Variants in ANKRD30B observed in about 807,000 individuals in gnomAD.
The protein encoded by ANKRD30B is ankyrin repeat domain 30B.
In ANKRD30B, 144 loss-of-function variants were observed where a neutral mutation model predicts 202.2. The ratio of observed to expected loss-of-function variants is 0.71; its 90% confidence interval spans 0.62 to 0.82. ANKRD30B has a LOEUF of 0.82. ANKRD30B is among the 40% of genes least tolerant of loss of function. The pLI is 0.00. For synonymous variants in ANKRD30B, 508 were observed against 561.3 expected (o/e 0.91, Z 1.34); for missense variants, 1,487 against 1,669.1 (o/e 0.89, Z 1.90).
At chr18:14,889,152 G>C in the ANKRD30B span, among the ~76,000 whole-genome samples, 1 of 151,242 alleles carries the variant, frequency 6.6e-6, no homozygotes, top group African/African-American at 2.4e-5. Context: ...TAGCTTTTTG[G>C]AAGTTCATGT....
chr18:14,806,338 T>C (rs1312668776), intron 24 of ANKRD30B, among the ~76,000 whole-genome samples: 2 of 151,082 alleles, frequency 1.3e-5, no homozygotes, highest in African/African-American at 4.9e-5. Context: ...CAAGCCTTTG[T>C]TTAAGTGTAT....
In ANKRD30B at chr18:14,837,623, C is replaced by T. The variant is rs571321972; in HGVS notation, c.2935C>T (p.Pro979Ser). ...TGAATAACATTTTGTAGATAAGATG[C>T]CCACATCAGAATTAGGAAGAAAAGA... ...RAPQDQTNKM[P>S]TSELGRKEDT... The change falls in exon 36 of 44, where the codon CCC becomes TCC. Residue 979 changes from proline to serine, a missense_variant. Coordinates refer to ENST00000690538, the MANE Select transcript of ANKRD30B (RefSeq NM_001367607.2). The T allele has an allele frequency of 6.5e-7, 1 of 1,530,368 alleles. No individual in the cohort carries two copies. The highest frequency in any genetic ancestry group is 2.5e-5 in the East Asian group (1 of 40,666). 94.8% of individuals were successfully genotyped at this position (1,530,368 alleles called of 1,614,324 possible).
the ANKRD30B span, among the ~76,000 whole-genome samples, chr18:14,889,280 C>A: frequency 6.6e-6 from 1 of 152,060 alleles, no homozygotes; most frequent in Non-Finnish European, 1.5e-5. Flanking sequence ...GAACATCTGC[C>A]TCCCTCAGGT....
chr18:14,823,866 T>A (rs1410878926), intron 32 of ANKRD30B, among the ~76,000 whole-genome samples: 2 of 152,064 alleles, frequency 1.3e-5, no homozygotes. Context: ...TCTCAGCTAC[T>A]CTTGAGGCTG....
chr18:14,866,914 G>A, the ANKRD30B span, among the ~76,000 whole-genome samples: 1 of 151,858 alleles, frequency 6.6e-6, no homozygotes, highest in Non-Finnish European at 1.5e-5. Context: ...GCCAATGCAG[G>A]GGGCAGGTTG....
At chr18:14,939,034 C>G in the ANKRD30B span, among the ~76,000 whole-genome samples, 8 of 152,192 alleles carry the variant, frequency 5.3e-5, no homozygotes, top group Non-Finnish European at 1.2e-4. Context: ...AATGAAAACA[C>G]GTCTGCAGGA....
At chr18:14,889,266 A>G in the ANKRD30B span, among the ~76,000 whole-genome samples, 1 of 152,052 alleles carries the variant, frequency 6.6e-6, no homozygotes, top group African/African-American at 2.4e-5. Flanking sequence ...TGGTATAACT[A>G]GCAGAACATC....
the ANKRD30B span, among the ~76,000 whole-genome samples, chr18:14,936,994 G>A: frequency 4.6e-5 from 7 of 152,194 alleles, no homozygotes; most frequent in Non-Finnish European, 8.8e-5. Flanking sequence ...CTAGGACCCC[G>A]CTGGGTCCCC....
intron 7 of ANKRD30B, among the ~76,000 whole-genome samples, chr18:14,765,418 G>A (rs1429501454): frequency 2.0e-5 from 3 of 150,890 alleles, no homozygotes; most frequent in South Asian, 2.1e-4. Context: ...AGCTGAGATC[G>A]CACCATTGCA....
At chr18:14,789,953 T>A (rs1256993567) in intron 15 of ANKRD30B, among the ~76,000 whole-genome samples, 1 of 152,248 alleles carries the variant, frequency 6.6e-6, no homozygotes, top group East Asian at 1.9e-4. Context: ...TTAATGGGGA[T>A]GGCACTGAAT....
At chr18:14,922,686 G>A in the ANKRD30B span, among the ~76,000 whole-genome samples, 1 of 150,250 alleles carries the variant, frequency 6.7e-6, no homozygotes, top group Non-Finnish European at 1.5e-5. Flanking sequence ...AGAAAAGAAA[G>A]TCTAGGTCAC....
chr18:14,883,463 CTATAGATA>C, the ANKRD30B span: 8 of 135,116 alleles, frequency 5.9e-5, no homozygotes, highest in Admixed American at 5.3e-4. Context: ...ATCTATATAT[CTATAGATA>C]TATACGGAAC....
chr18:14,821,093 A>G (rs1970393026), intron 30 of ANKRD30B, among the ~76,000 whole-genome samples: 1 of 152,130 alleles, frequency 6.6e-6, no homozygotes, highest in Admixed American at 6.5e-5. Context: ...TAGTCTTGGG[A>G]GAGTGTGTGT....
chr18:14,906,384 C>T, the ANKRD30B span, among the ~76,000 whole-genome samples: 59 of 152,088 alleles, frequency 3.9e-4, no homozygotes, highest in East Asian at 4.3e-3. Context: ...GACTCTCTAC[C>T]AATCTCATTA....
chr18:14,778,015 A>T lies in ANKRD30B; in HGVS notation c.1360A>T (p.Thr454Ser), dbSNP rs1967485486. The change falls in exon 10 of 44, where the codon ACG (threonine) becomes TCG (serine). Residue 454 changes from threonine (T) to serine (S), a missense_variant. By Grantham distance (58) the Thr-to-Ser change is moderately conservative (BLOSUM62 1). Coordinates refer to ENST00000690538, the MANE Select transcript of ANKRD30B (RefSeq NM_001367607.2). ...CTCTAAGAGTGCTGCACAGAATTAT[A>T]CGTGTTTACCTGATGCTACATATCA... ...IISKSAAQNY[T>S]CLPDATYQKD... 6.5e-6 allele frequency: 10 copies of T among 1,548,660 alleles called. No individual in the cohort carries two copies. The highest frequency in any genetic ancestry group is 8.7e-6 in the Non-Finnish European group (10 of 1,144,556).
At chr18:14,769,127 G>T (rs558985296) in intron 7 of ANKRD30B, among the ~76,000 whole-genome samples, 33 of 152,212 alleles carry the variant, frequency 2.2e-4, no homozygotes, top group African/African-American at 7.9e-4. Flanking sequence ...GATCATGCAC[G>T]AAAATATGCA....
chr18:14,852,058 G>T lies in ANKRD30B; in HGVS notation c.4114G>T (p.Asp1372Tyr), dbSNP rs1210293890. ...PKINLNYAGD[D>Y]LRENALVSEH... ...AATTAATCTCAATTATGCAGGAGAT[G>T]ATCTAAGAGAAAATGCATTGGTTTC... Residue 1372 changes from aspartate (D) to tyrosine (Y), a missense_variant, in exon 42 of 44, where the codon GAT becomes TAT. By Grantham distance (160) the Asp-to-Tyr change is radical. Coordinates refer to ENST00000690538, the MANE Select transcript of ANKRD30B (RefSeq NM_001367607.2). 3.1e-6 allele frequency: 5 copies of T among 1,608,560 alleles called. No homozygotes were observed. Among genetic ancestry groups the T allele is most frequent in the Non-Finnish European group, 4.2e-6 (5 of 1,176,794 alleles).
downstream of ANKRD30B, among the ~76,000 whole-genome samples, chr18:14,856,134 T>C (rs1163204186): frequency 2.2e-3 from 204 of 91,770 alleles, no homozygotes; most frequent in Middle Eastern, 0.016. Flanking sequence ...CAGGAAGAGG[T>C]GCTCCTCACT....
chr18:14,861,964 G>T, the ANKRD30B span, among the ~76,000 whole-genome samples: 3 of 152,142 alleles, frequency 2.0e-5, no homozygotes, highest in Non-Finnish European at 4.4e-5. Context: ...AATAAAATTA[G>T]AAGTCAATAT....
Sources: gnomAD v4.1 joint callset for allele counts (sites outside exome capture counted in the v4.1 genomes callset) on GRCh38, gnomAD v4.1.1 for gene constraint, MANE v1.5 for transcripts, NCBI Gene and HGNC (gene_info 2026-07-23, HGNC 2026-07-21) for gene names.